Variants in CIP2A observed in about 807,000 individuals in gnomAD.
CIP2A encodes cellular inhibitor of PP2A, also known as protein CIP2A.
A neutral mutation model predicts 110.9 loss-of-function variants in CIP2A; 103 were observed. The ratio of observed to expected loss-of-function variants is 0.93; its 90% CI spans 0.79 to 1.09. The LOEUF (loss-of-function observed/expected upper bound fraction) is 1.09, where lower values mean the gene tolerates loss of function less well. CIP2A is among the 50% of genes least tolerant of loss of function. The probability of loss-of-function intolerance (pLI) is 0.00; values close to 1 mark genes in which losing one functional copy is unlikely to be tolerated. For synonymous variants in CIP2A, 381 were observed against 361.6 expected, an observed-to-expected ratio of 1.05 and a Z score of -0.61; for missense variants, 1,088 against 1,038.4, an observed-to-expected ratio of 1.05 and a Z score of -0.66.
Position 108,568,287 on chromosome 3 carries a change from A to T in CIP2A, c.1141T>A (p.Ser381Thr). ...AGAAGGGTCACAAAACGATCAGCCG[A>T]GGAACAGTTAGCAGCATCTATGACA... ...EDVIDAANCSSADRFVTLLLP... is the reference protein window; with the variant it reads ...EDVIDAANCSTADRFVTLLLP... The change falls in exon 10 of 21, where the codon TCG (serine) becomes ACG (threonine). Residue 381 changes from serine (S) to threonine (T), a missense_variant. Coordinates refer to ENST00000295746, the MANE Select transcript of CIP2A (RefSeq NM_020890.3). 1.2e-6 allele frequency: 2 copies of T among 1,612,128 alleles called. No homozygotes were observed. Among genetic ancestry groups the T allele is most frequent in the Non-Finnish European group, 1.7e-6 (2 of 1,178,710 alleles).
intron 3 of CIP2A, 123 bp from the exon 4 acceptor site, chr3:108,582,325 A>G (rs576865669): frequency 1.3e-5 from 6 of 444,642 alleles, no homozygotes; most frequent in African/African-American, 1.0e-4. Context: ...TTTTTAAAAA[A>G]CACATGTAAA....
At chr3:108,557,632 C>T (rs966668251) in intron 16 of CIP2A, among the ~76,000 whole-genome samples, 4 of 151,962 alleles carry the variant, frequency 2.6e-5, no homozygotes, top group Non-Finnish European at 4.4e-5. Context: ...AACAATCTCA[C>T]TATGATCAAA....
chr3:108,569,925 T>C (rs1938327581), intron 8 of CIP2A, among the ~76,000 whole-genome samples: 1 of 152,070 alleles, frequency 6.6e-6, no homozygotes, highest in African/African-American at 2.4e-5. Flanking sequence ...CTGTTTTGTT[T>C]ATAAATGACC....
intron 3 of CIP2A, among the ~76,000 whole-genome samples, chr3:108,582,612 T>C (rs1255307861): frequency 6.6e-6 from 1 of 152,250 alleles, no homozygotes; most frequent in Non-Finnish European, 1.5e-5. Flanking sequence ...AAATAGACTC[T>C]ATCTACAGCT....
chr3:108,584,612 G>A (rs1473583032), intron 2 of CIP2A, among the ~76,000 whole-genome samples: 1 of 152,086 alleles, frequency 6.6e-6, no homozygotes. Flanking sequence ...CTGCTACATT[G>A]GATAACACAG....
At position 108,576,328 on chromosome 3, in the gene CIP2A, T is replaced by C. The variant is rs770933542; in HGVS notation, c.837A>G (p.Ser279=). 3 of 1,552,022 alleles carry C rather than the reference T, an allele frequency of 1.9e-6. No individual in the cohort carries two copies. The highest frequency in any genetic ancestry group is 2.8e-5 in the African/African-American group (2 of 72,240). The change falls in exon 8 of 21, where the codon TCA becomes TCG. Residue 279 remains serine (S), a synonymous_variant. Coordinates refer to ENST00000295746, the MANE Select transcript of CIP2A (RefSeq NM_020890.3). ...DYLTRYEHFS[S]CLHQVLGLLN... is the part of the protein sequence containing the mutation. Reference sequence around the variant, plus strand: ...GAAGACCTAATACTTGGTGAAGACATGAAGAAAAGTGCTCATATCTAGGTT... The same window carrying C: ...GAAGACCTAATACTTGGTGAAGACACGAAGAAAAGTGCTCATATCTAGGTT...
At chr3:108,552,715 A>C (rs1430807470) in intron 19 of CIP2A, among the ~76,000 whole-genome samples, 6 of 152,176 alleles carry the variant, frequency 3.9e-5, no homozygotes, top group Non-Finnish European at 8.8e-5. Context: ...ACCATTAAGA[A>C]GCTAGTAACT....
chr3:108,578,867 A>T (rs74356399), intron 7 of CIP2A, among the ~76,000 whole-genome samples: 13,755 of 152,226 alleles, frequency 0.09, 829 homozygotes, highest in Non-Finnish European at 0.13. Flanking sequence ...TAAAGACACA[A>T]ACATAATGAC....
intron 19 of CIP2A, among the ~76,000 whole-genome samples, chr3:108,553,116 C>CTTTTTT (rs1559687188): frequency 3.1e-4 from 41 of 131,162 alleles, no homozygotes; most frequent in African/African-American, 6.1e-4. Context: ...CATCTCTTTC[C>CTTTTTT]TTTTGTTTTT....
Position 108,560,761 on chromosome 3 carries a change from G to A in CIP2A, c.1715C>T (p.Ser572Leu). ...EHIPRKMPWQ[S>L]SNHSFPTSIK... ...TGATGTTGGAAAACTGTGATTTGATGATTGCCAGGGCATTTTTCTGGGTAT... is the reference window on the plus strand; with the variant it reads ...TGATGTTGGAAAACTGTGATTTGATAATTGCCAGGGCATTTTTCTGGGTAT... The change falls in exon 14 of 21, where the codon TCA becomes TTA. Residue 572 changes from serine to leucine, a missense_variant. Physicochemically the swap from Ser to Leu is moderately radical, Grantham distance 145. Transcript: ENST00000295746. The A allele has an allele frequency of 6.2e-7, 1 of 1,612,754 alleles. No individual in the cohort carries two copies. The highest frequency in any genetic ancestry group is 8.5e-7 in the Non-Finnish European group (1 of 1,179,040).
chr3:108,567,099 T>C (rs770144906), intron 10 of CIP2A, among the ~76,000 whole-genome samples: 8 of 151,834 alleles, frequency 5.3e-5, no homozygotes, highest in Non-Finnish European at 1.2e-4. Flanking sequence ...TTCTCAACTT[T>C]AGCTGCATGT....
chr3:108,569,340 A>G (rs1272200285), intron 9 of CIP2A, 49 bp downstream of exon 9: 5 of 1,332,872 alleles, frequency 3.8e-6, no homozygotes, highest in Non-Finnish European at 4.3e-6. Context: ...CAAATTGTTA[A>G]CTGAGAGTCA....
rs1367440293 is a variant in CIP2A, at chr3:108,589,402, A to G, written c.-27T>C. On this transcript the variant is annotated 5_prime_UTR_variant, in exon 1 of 21. Coordinates refer to ENST00000295746, the MANE Select transcript of CIP2A (RefSeq NM_020890.3). ...GCACCGGCCGCGGCCCGGCTTAGGG[A>G]CCACCACCGCCCAGCGTGCGCCGGC... 3 of 1,538,718 alleles carry G rather than the reference A, an allele frequency of 1.9e-6. No individual in the cohort carries two copies. Among genetic ancestry groups the G allele is most frequent in the African/African-American group, 2.7e-5 (2 of 73,250 alleles).
At chr3:108,581,652 ATAAG>A (rs1280418683) in intron 4 of CIP2A, 141 bp from the exon 5 acceptor site, 1 of 595,298 alleles carries the variant, frequency 1.7e-6, no homozygotes, top group East Asian at 2.8e-5. Flanking sequence ...ACTAATTAAC[ATAAG>A]AAGCCAGGGA....
rs542279370 is a variant in CIP2A at position 108,574,104 on chromosome 3, G to A, written c.894+2167C>T. ...TGAGTAAAAAGGCAACTCACAGAAT[G>A]GAAGAAAATATTTGCATGTTATATA... On this transcript the variant is annotated intron_variant, in intron 8 of 20. Transcript: ENST00000295746. 1.3e-4 allele frequency among the ~76,000 whole-genome samples: 20 copies of A among 152,180 alleles called. No individual in the cohort carries two copies. The South Asian group carries it at 4.1e-3, about 32-fold the overall frequency.
chr3:108,576,412 T>C, intron 7 of CIP2A, 66 bp from the exon 8 acceptor site: 2 of 831,642 alleles, frequency 2.4e-6, no homozygotes, highest in East Asian at 2.8e-5. Flanking sequence ...AAGGGATTTA[T>C]CTACAAGATA....
In CIP2A at chr3:108,565,468, T is replaced by C; in HGVS notation, c.1416-14A>G. 6.9e-7 allele frequency: 1 copy of C among 1,454,900 alleles called. No homozygotes were observed. Among genetic ancestry groups the C allele is most frequent in the Non-Finnish European group, 9.5e-7 (1 of 1,052,362 alleles). The allele number at this position is 1,454,900 out of a possible 1,614,324, so 90.1% of individuals were successfully genotyped here. On this transcript the variant is annotated splice_polypyrimidine_tract_variant and intron_variant, in intron 11 of 20. Coordinates refer to ENST00000295746, the MANE Select transcript of CIP2A (RefSeq NM_020890.3). ...GCAGCAAGTTTGCTTTAAAGATAAATCACATTTAAATTAGATAACTGAAAA... is the reference window on the plus strand; with the variant it reads ...GCAGCAAGTTTGCTTTAAAGATAAACCACATTTAAATTAGATAACTGAAAA...
In CIP2A at chr3:108,557,321, C is replaced by T; in HGVS notation, c.2107G>A (p.Ala703Thr). 6.2e-7 allele frequency: 1 copy of T among 1,612,872 alleles called. No individual in the cohort carries two copies. The highest frequency in any genetic ancestry group is 8.5e-7 in the Non-Finnish European group (1 of 1,179,240). The change falls in exon 17 of 21, where the codon GCG becomes ACG. Residue 703 changes from alanine to threonine, a missense_variant. Physicochemically the swap from Ala to Thr is moderately conservative, Grantham distance 58. Transcript: ENST00000295746. Reference protein sequence around the residue: ...LKAQQVESERAQSDIEHLFQH... With the variant: ...LKAQQVESERTQSDIEHLFQH... Reference sequence around the variant, plus strand: ...AAGAGATGCTCAATATCACTCTGCGCTCTTTCTGATTCAACTTGCTGCGCC... The same window carrying T: ...AAGAGATGCTCAATATCACTCTGCGTTCTTTCTGATTCAACTTGCTGCGCC...
intron 8 of CIP2A, among the ~76,000 whole-genome samples, chr3:108,571,624 A>C (rs564601549): frequency 6.6e-6 from 1 of 152,262 alleles, no homozygotes; most frequent in Admixed American, 6.5e-5. Context: ...ACACATATAA[A>C]AGTAAAAAAA....
Sources: gnomAD v4.1 joint callset for allele counts (sites outside exome capture counted in the v4.1 genomes callset) on GRCh38, gnomAD v4.1.1 for gene constraint, MANE v1.5 for transcripts, NCBI Gene and HGNC (gene_info 2026-07-23, HGNC 2026-07-21) for gene names.